The following ERC2 variants were observed in gnomAD, a reference collection of about 807,000 sequenced individuals.
ERC2 encodes ERC protein 2.
ERC2 carries 42 observed loss-of-function variants against 114.8 expected under a neutral mutation model. That is an observed-to-expected ratio of 0.37 (90% CI 0.29 to 0.47). ERC2 has a LOEUF of 0.47. ERC2 is among the 20% of genes least tolerant of loss of function. The pLI is 0.99. For synonymous variants in ERC2, 454 were observed against 425.5 expected (o/e 1.07, Z -0.82); for missense variants, 939 against 1,150.7 (o/e 0.82, Z 2.66).
In ERC2 at chr3:55,971,358, TA is replaced by T. The variant is rs536099800; in HGVS notation, c.2267+14618del. 2.6e-3 allele frequency among the ~76,000 whole-genome samples: 396 copies of T among 152,204 alleles called. 2 individuals are homozygous for T. Among genetic ancestry groups the T allele is most frequent in the African/African-American group, 8.9e-3 (369 of 41,514 alleles). On this transcript the variant is annotated intron_variant, in intron 12 of 17. Coordinates refer to ENST00000288221, the MANE Select transcript of ERC2 (RefSeq NM_015576.3). ...TTATGGTATGCAAATATATCTTAAT[TA>T]AAAAATTACAAATGCTAGTAATAAA...
At chr3:56,430,734 A>G (rs1022048677) in intron 2 of ERC2, among the ~76,000 whole-genome samples, 3 of 152,218 alleles carry the variant, frequency 2.0e-5, no homozygotes, top group African/African-American at 7.2e-5. Context: ...GGCTGCAGTG[A>G]GCCAGTATCG....
chr3:55,804,809 GT>G (rs2059430737), intron 14 of ERC2, among the ~76,000 whole-genome samples: 1 of 152,064 alleles, frequency 6.6e-6, no homozygotes, highest in Admixed American at 6.5e-5. Flanking sequence ...GTCCGAGTTG[GT>G]TTTATTGAGG....
chr3:56,464,129 T>G (rs1482673020), intron 1 of ERC2, among the ~76,000 whole-genome samples: 2 of 152,148 alleles, frequency 1.3e-5, no homozygotes, highest in African/African-American at 4.8e-5. Flanking sequence ...AAGAAAAAAT[T>G]AGAAAATCCT....
chr3:55,664,000 T>G (rs1459863838), intron 17 of ERC2, among the ~76,000 whole-genome samples: 1 of 152,214 alleles, frequency 6.6e-6, no homozygotes, highest in Non-Finnish European at 1.5e-5. Flanking sequence ...AACTCAGCCT[T>G]ATACTTTCAT....
At chr3:55,543,351 T>C (rs796276784) in intron 17 of ERC2, among the ~76,000 whole-genome samples, 16 of 152,182 alleles carry the variant, frequency 1.1e-4, no homozygotes, top group African/African-American at 3.6e-4. Context: ...AAATAAAGAA[T>C]GGAAATGTTT....
rs143063892 is a variant in ERC2 at position 55,757,824 on chromosome 3, C to T, written c.2565-22906G>A. On this transcript the variant is annotated intron_variant, in intron 14 of 17. Transcript: ENST00000288221. ...CAATTTAAGAAATGTAATCAAAATT[C>T]TTAGTGAGTATTAACTGTTTTCACT... Among the ~76,000 whole-genome samples, 678 of 152,116 alleles carry T rather than the reference C, an allele frequency of 4.5e-3. 6 individuals carry two copies. Among genetic ancestry groups the T allele is most frequent in the African/African-American group, 0.015 (629 of 41,516 alleles).
chr3:56,366,751 T>C (rs1178361005), intron 2 of ERC2, among the ~76,000 whole-genome samples: 1 of 152,222 alleles, frequency 6.6e-6, no homozygotes, highest in African/African-American at 2.4e-5. Context: ...GCACAGGCCC[T>C]ATAAGCCTGT....
chr3:56,076,417 A>G (rs1225426788), intron 7 of ERC2, among the ~76,000 whole-genome samples: 1 of 144,206 alleles, frequency 6.9e-6, no homozygotes, highest in Non-Finnish European at 1.5e-5. Flanking sequence ...CAAATGTACA[A>G]TGTCATCAGG....
chr3:55,588,148 G>C (rs1455195766), intron 17 of ERC2, among the ~76,000 whole-genome samples: 2 of 152,078 alleles, frequency 1.3e-5, no homozygotes, highest in Non-Finnish European at 2.9e-5. Context: ...CAAACATCAG[G>C]GTCGTTTCCT....
At chr3:55,539,411 C>CTTTTT (rs1559619170) in intron 17 of ERC2, among the ~76,000 whole-genome samples, 2 of 49,060 alleles carry the variant, frequency 4.1e-5, no homozygotes, top group African/African-American at 5.9e-5. Flanking sequence ...CTCTTTTTTT[C>CTTTTT]TTTCTTTTTT....
At chr3:56,007,918 T>C (rs762618249) in intron 9 of ERC2, among the ~76,000 whole-genome samples, 36 of 152,108 alleles carry the variant, frequency 2.4e-4, no homozygotes, top group Non-Finnish European at 1.9e-4. Context: ...TGATGAATCT[T>C]TCCAACTCAG....
chr3:56,128,942 T>G (rs2080044476), intron 6 of ERC2, among the ~76,000 whole-genome samples: 1 of 152,234 alleles, frequency 6.6e-6, no homozygotes, highest in Non-Finnish European at 1.5e-5. Context: ...CCAGACGTTG[T>G]TCTGTTATAG....
chr3:56,174,066 A>G (rs916148946), intron 3 of ERC2, among the ~76,000 whole-genome samples: 2 of 152,254 alleles, frequency 1.3e-5, no homozygotes, highest in Non-Finnish European at 2.9e-5. Flanking sequence ...GTCCTTGTTT[A>G]AAATCACATC....
chr3:56,361,715 T>C (rs2058964465), intron 2 of ERC2, among the ~76,000 whole-genome samples: 1 of 152,222 alleles, frequency 6.6e-6, no homozygotes, highest in Non-Finnish European at 1.5e-5. Context: ...GAGCAGATGA[T>C]GGCAGCCAAG....
intron 5 of ERC2, among the ~76,000 whole-genome samples, chr3:56,144,467 GAC>G (rs1183843407): frequency 6.6e-6 from 1 of 152,160 alleles, no homozygotes; most frequent in Admixed American, 6.5e-5. Flanking sequence ...ATCTGAAATT[GAC>G]ACTCAAAAAC....
chr3:55,971,681 G>A (rs541208952), intron 12 of ERC2, among the ~76,000 whole-genome samples: 10 of 152,158 alleles, frequency 6.6e-5, no homozygotes, highest in Non-Finnish European at 1.2e-4. Context: ...ATCACCCTCT[G>A]GGTGGTGGAG....
At chr3:56,250,003 G>A (rs1053699011) in intron 3 of ERC2, among the ~76,000 whole-genome samples, 8 of 151,846 alleles carry the variant, frequency 5.3e-5, no homozygotes, top group African/African-American at 1.2e-4. Context: ...GATTACAGGC[G>A]CCCGCCACCA....
chr3:55,659,697 T>C (rs1318155636), intron 17 of ERC2, among the ~76,000 whole-genome samples: 1 of 152,212 alleles, frequency 6.6e-6, no homozygotes, highest in Admixed American at 6.5e-5. Flanking sequence ...AAAGGCTTTC[T>C]GACCTCAGTC....
At chr3:56,274,088 G>T (rs1356796080) in intron 3 of ERC2, among the ~76,000 whole-genome samples, 1 of 152,192 alleles carries the variant, frequency 6.6e-6, no homozygotes, top group Non-Finnish European at 1.5e-5. Flanking sequence ...GGCCTGTTAG[G>T]AATTAGACCA....
Sources: gnomAD v4.1 joint callset for allele counts (sites outside exome capture counted in the v4.1 genomes callset) on GRCh38, gnomAD v4.1.1 for gene constraint, MANE v1.5 for transcripts, NCBI Gene and HGNC (gene_info 2026-07-23, HGNC 2026-07-21) for gene names.